RAPGEF4: variants seen among roughly 807,000 people sequenced by gnomAD.
RAPGEF4 encodes Rap guanine nucleotide exchange factor 4.
RAPGEF4 carries 66 observed loss-of-function variants against 147.9 expected under a neutral mutation model. That is an observed-to-expected ratio of 0.45 (90% confidence interval 0.37 to 0.55). The LOEUF is 0.55. Ranked by LOEUF, RAPGEF4 falls within the 20% of genes least tolerant of loss-of-function variation. The pLI, the probability that RAPGEF4 is intolerant of heterozygous loss-of-function variation, is 0.00. For synonymous variants in RAPGEF4, 419 were observed against 442.7 expected (o/e 0.95, Z 0.67); for missense variants, 1,071 against 1,257.3 (o/e 0.85, Z 2.24).
At chr2:173,038,697 C>T (rs1684362385) in intron 29 of RAPGEF4, among the ~76,000 whole-genome samples, 2 of 152,100 alleles carry the variant, frequency 1.3e-5, no homozygotes, top group South Asian at 2.1e-4. Context: ...CACATGTATA[C>T]CTACGTAACA....
intron 1 of RAPGEF4, among the ~76,000 whole-genome samples, chr2:172,793,336 T>C (rs1177569023): frequency 6.6e-6 from 1 of 152,226 alleles, no homozygotes; most frequent in Non-Finnish European, 1.5e-5. Context: ...ATCAGGTCCC[T>C]GATGTATCTT....
intron 1 of RAPGEF4, among the ~76,000 whole-genome samples, chr2:172,764,625 G>A (rs1158554126): frequency 2.6e-5 from 4 of 152,168 alleles, no homozygotes; most frequent in African/African-American, 9.7e-5. Context: ...TTGGATGCCC[G>A]TGGAGAGAAT....
In RAPGEF4 at chr2:173,024,311, G is replaced by A. The variant is rs866632743; in HGVS notation, c.2254-2261G>A. ...CGGCTCACTGCAAGCTCCGCCTCCC[G>A]GGTTCACGCCATTCTCCTGCCTCAG... On this transcript the variant is annotated intron_variant, in intron 23 of 30. Transcript: ENST00000397081. 4.7e-3 allele frequency among the ~76,000 whole-genome samples: 692 copies of A among 147,964 alleles called. 11 individuals are homozygous for A. The highest frequency in any genetic ancestry group is 0.016 in the African/African-American group (648 of 40,582).
In RAPGEF4 at chr2:172,773,830, C is replaced by G. The variant is rs182759362; in HGVS notation, c.66-21195C>G. Among the ~76,000 whole-genome samples the G allele has an allele frequency of 9.2e-5, 14 of 152,198 alleles. No individual in the cohort carries two copies. The East Asian group carries it at 2.7e-3, about 29-fold the overall frequency. On this transcript the variant is annotated intron_variant, in intron 1 of 30. Transcript: ENST00000397081. ...CCTGGGGAAGGAAAGAAACTGATCACATAATCGTCATATAGTGAGTGAGGG... is the reference window on the plus strand; with the variant it reads ...CCTGGGGAAGGAAAGAAACTGATCAGATAATCGTCATATAGTGAGTGAGGG...
Position 173,014,605 on chromosome 2 carries a change from C to T in RAPGEF4, c.1800C>T (p.Ala600=). ...DLLQEDDVSM[A]FLEEFYVSVS... is the part of the protein sequence containing the mutation. The stretch of plus-strand genomic sequence containing the variant: ...TGCAAGAGGATGACGTGTCTATGGC[C>T]TTCCTGGAGGTAGGCAGGGGTCATC... Residue 600 remains alanine, a synonymous_variant, in exon 18 of 31, where the codon GCC becomes GCT. Coordinates refer to ENST00000397081, the MANE Select transcript of RAPGEF4 (RefSeq NM_007023.4). 1 of 1,613,004 alleles carries T rather than the reference C, an allele frequency of 6.2e-7. No individual in the cohort carries two copies. The highest frequency in any genetic ancestry group is 8.5e-7 in the Non-Finnish European group (1 of 1,179,290).
chr2:173,047,250 A>G (rs1363583103), intron 29 of RAPGEF4, among the ~76,000 whole-genome samples: 1 of 152,126 alleles, frequency 6.6e-6, no homozygotes, highest in Non-Finnish European at 1.5e-5. Flanking sequence ...CCCAGGGGAT[A>G]GGAGTCTCTG....
chr2:172,918,247 CTTT>C (rs11332643), intron 5 of RAPGEF4, among the ~76,000 whole-genome samples: 82 of 87,610 alleles, frequency 9.4e-4, no homozygotes, highest in East Asian at 8.4e-3. Flanking sequence ...CCACCTCTTG[CTTT>C]TTTTTTTTTT....
intron 6 of RAPGEF4, among the ~76,000 whole-genome samples, chr2:172,942,845 T>G (rs1687306570): frequency 1.3e-5 from 2 of 152,296 alleles, no homozygotes; most frequent in South Asian, 4.1e-4. Flanking sequence ...TACTGACATA[T>G]TTTGCATGCT....
intron 15 of RAPGEF4, among the ~76,000 whole-genome samples, 182 bp from the exon 16 acceptor site, chr2:172,996,284 T>C (rs917603591): frequency 2.6e-5 from 4 of 152,178 alleles, no homozygotes; most frequent in Admixed American, 1.3e-4. Flanking sequence ...TTTGTGGGTT[T>C]TCTGTTTGTT....
Position 172,917,866 on chromosome 2 carries a change from A to T in RAPGEF4, c.509A>T (p.Asn170Ile), listed in dbSNP as rs183632065. The T allele has an allele frequency of 3.1e-6, 5 of 1,613,130 alleles. No individual in the cohort carries two copies. In the Admixed American group the frequency reaches 6.7e-5, roughly 21 times the overall value. The change falls in exon 5 of 31, where the codon AAC becomes ATC. Residue 170 changes from asparagine to isoleucine, a missense_variant. Physicochemically the swap from Asn to Ile is moderately radical, Grantham distance 149 (BLOSUM62 -3). Coordinates refer to ENST00000397081, the MANE Select transcript of RAPGEF4 (RefSeq NM_007023.4). ...TATGGTGTTATGGAAACGGGCTCTA[A>T]CAATGACAGTAAGTGGAAAATGTGA... The part of the protein sequence containing the change: ...PPYGVMETGS[N>I]NDRIPDKENT...
chr2:172,960,765 T>G lies in RAPGEF4; in HGVS notation c.543T>G (p.Pro181=), dbSNP rs1023549786. The G allele has an allele frequency of 6.2e-7, 1 of 1,602,024 alleles. No homozygotes were observed. Among genetic ancestry groups the G allele is most frequent in the South Asian group, 1.1e-5 (1 of 88,448 alleles). The change falls in exon 7 of 31, where the codon CCT becomes CCG. Residue 181 remains proline, a synonymous_variant. Coordinates refer to ENST00000397081, the MANE Select transcript of RAPGEF4 (RefSeq NM_007023.4). The part of the protein sequence containing the change: ...NDRIPDKENT[P]LIEPHVPLRP... ...TTTAACATTTTATTTTTCAGACACC[T>G]CTCATTGAACCTCACGTTCCTCTTC...
intron 29 of RAPGEF4, chr2:173,048,048 G>A (rs1427581709): frequency 6.5e-6 from 1 of 152,720 alleles, no homozygotes; most frequent in Admixed American, 6.5e-5. Flanking sequence ...AGGGAAGGAG[G>A]GAATCAAATC....
chr2:173,011,437 C>T (rs1457499401), intron 17 of RAPGEF4, among the ~76,000 whole-genome samples: 1 of 152,090 alleles, frequency 6.6e-6, no homozygotes, highest in South Asian at 2.1e-4. Flanking sequence ...GTAAATATTT[C>T]CTCCTCAGGT....
chr2:172,927,015 A>G (rs925197473), intron 6 of RAPGEF4, among the ~76,000 whole-genome samples: 8 of 152,232 alleles, frequency 5.3e-5, no homozygotes, highest in Non-Finnish European at 1.0e-4. Context: ...AATTCCTGCT[A>G]GTAATTAGTA....
chr2:173,015,366 G>A (rs1695412183), intron 18 of RAPGEF4, among the ~76,000 whole-genome samples: 2 of 152,190 alleles, frequency 1.3e-5, no homozygotes, highest in Non-Finnish European at 2.9e-5. Flanking sequence ...TTTGGATGAA[G>A]ACCTGACTTC....
chr2:172,903,916 A>G (rs1314073298), intron 4 of RAPGEF4, among the ~76,000 whole-genome samples: 1 of 149,638 alleles, frequency 6.7e-6, no homozygotes, highest in Admixed American at 6.8e-5. Context: ...TTCCTGCCCC[A>G]TAAATCTCCA....
intron 9 of RAPGEF4, among the ~76,000 whole-genome samples, chr2:172,966,001 A>G (rs1366332689): frequency 6.6e-6 from 1 of 152,242 alleles, no homozygotes; most frequent in African/African-American, 2.4e-5. Context: ...TGAGCAGTGC[A>G]TAGCAATCCT....
chr2:173,030,113 A>G (rs773732228), intron 25 of RAPGEF4, 51 bp from the exon 26 acceptor site: 28 of 1,276,442 alleles, frequency 2.2e-5, no homozygotes, highest in Non-Finnish European at 2.8e-5. Flanking sequence ...AATTTTTTTT[A>G]TCTCACACAG....
intron 6 of RAPGEF4, among the ~76,000 whole-genome samples, chr2:172,933,485 G>A (rs999576851): frequency 1.3e-5 from 2 of 152,182 alleles, no homozygotes; most frequent in East Asian, 3.8e-4. Flanking sequence ...CAAGAATGAA[G>A]TGTAATTAGA....
Sources: allele counts gnomAD v4.1 joint callset (sites outside exome capture counted in the v4.1 genomes callset), GRCh38; gene constraint gnomAD v4.1.1; transcripts MANE v1.5; gene names NCBI Gene and HGNC (gene_info 2026-07-23, HGNC 2026-07-21).